The following DTNA variants were observed in gnomAD, a reference collection of about 807,000 sequenced individuals.
DTNA encodes the protein dystrophin-related protein 3.
A neutral mutation model predicts 100.7 loss-of-function variants in DTNA; 43 were observed. The observed-to-expected ratio is 0.43, with a 90% CI of 0.33 to 0.55. The LOEUF (loss-of-function observed/expected upper bound fraction) is 0.55. Among genes scored for constraint, DTNA ranks in the 20% least tolerant of loss-of-function variants. The pLI is 0.04. For missense variants in DTNA, 798 were observed against 953.9 expected (o/e 0.84, Z 2.15); for synonymous variants, 349 against 347.9 (o/e 1.00, Z -0.04).
chr18:34,677,682 A>AT (rs1033013283), intron 1 of DTNA, among the ~76,000 whole-genome samples: 7 of 151,588 alleles, frequency 4.6e-5, no homozygotes, highest in South Asian at 2.1e-4. Context: ...TCCGACTCCA[A>AT]TTTTTTTTTA....
At chr18:34,784,300 G>A (rs2094438027) in intron 3 of DTNA, among the ~76,000 whole-genome samples, 1 of 152,186 alleles carries the variant, frequency 6.6e-6, no homozygotes, top group African/African-American at 2.4e-5. Flanking sequence ...AAAATTAAGA[G>A]TGTTATATAC....
chr18:34,802,957 A>G lies in DTNA; in HGVS notation c.363-3262A>G, dbSNP rs570873157. Among the ~76,000 whole-genome samples, 5 of 152,240 alleles carry G rather than the reference A, an allele frequency of 3.3e-5. No homozygotes were observed. In the South Asian group the frequency reaches 8.3e-4, roughly 25 times the overall value. The stretch of plus-strand genomic sequence containing the variant: ...GACACCCTCCTCTTCACCCTGTTAT[A>G]TTTACAAATAATGTTCTTTTAAAAA... On this transcript the variant is annotated intron_variant, in intron 4 of 22. Transcript: ENST00000444659.
chr18:34,663,066 G>A (rs1232342206), intron 1 of DTNA: 1 of 152,120 alleles, frequency 6.6e-6, no homozygotes, highest in Non-Finnish European at 1.5e-5. Context: ...TCACTCCCAT[G>A]TACTTCCAGT....
intron 1 of DTNA, among the ~76,000 whole-genome samples, chr18:34,535,883 G>A (rs1014968880): frequency 1.3e-5 from 2 of 152,022 alleles, no homozygotes; most frequent in African/African-American, 4.8e-5. Context: ...ACATGAATGT[G>A]TTCTCATGAT....
intron 9 of DTNA, chr18:34,825,155 G>GAGC: frequency 7.2e-7 from 1 of 1,394,388 alleles, no homozygotes; most frequent in South Asian, 1.2e-5. Context: ...AAATAGAAAT[G>GAGC]AGCAGGTGGT....
At chr18:34,644,896 G>A (rs2059666821) in intron 1 of DTNA, among the ~76,000 whole-genome samples, 2 of 151,968 alleles carry the variant, frequency 1.3e-5, no homozygotes, top group South Asian at 2.1e-4. Context: ...AATGTTCCCT[G>A]TACTGAAGAA....
intron 3 of DTNA, among the ~76,000 whole-genome samples, chr18:34,773,871 G>T (rs1228123138): frequency 6.6e-6 from 1 of 152,114 alleles, no homozygotes. Flanking sequence ...CCCTTTAATG[G>T]TTTTTAAGAT....
At chr18:34,836,785 T>C (rs1474639382) in intron 11 of DTNA, among the ~76,000 whole-genome samples, 1 of 152,126 alleles carries the variant, frequency 6.6e-6, no homozygotes, top group Admixed American at 6.5e-5. Context: ...GCATGTCTAC[T>C]CTTTGCTAGT....
At chr18:34,603,662 G>C (rs897200758) in intron 1 of DTNA, among the ~76,000 whole-genome samples, 5 of 152,054 alleles carry the variant, frequency 3.3e-5, no homozygotes, top group Non-Finnish European at 4.4e-5. Context: ...TAAGGAGATT[G>C]GTTGTGTTCT....
At chr18:34,699,406 A>G (rs1026012328) in intron 1 of DTNA, among the ~76,000 whole-genome samples, 2 of 152,282 alleles carry the variant, frequency 1.3e-5, no homozygotes, top group African/African-American at 2.4e-5. Context: ...TGTAATTTTA[A>G]CAGATTGGAT....
chr18:34,715,038 C>T (rs2083722888), intron 1 of DTNA, among the ~76,000 whole-genome samples: 1 of 134,340 alleles, frequency 7.4e-6, no homozygotes, highest in Admixed American at 8.8e-5. Flanking sequence ...AGGGGAATAT[C>T]ACACTCTGGG....
chr18:34,534,670 T>A (rs2043501816), intron 1 of DTNA, among the ~76,000 whole-genome samples: 1 of 151,968 alleles, frequency 6.6e-6, no homozygotes, highest in African/African-American at 2.4e-5. Context: ...CAGGCTCTGG[T>A]GCGTGATGTT....
chr18:34,829,555 C>G, intron 11 of DTNA, 66 bp downstream of exon 11: 1 of 1,390,608 alleles, frequency 7.2e-7, no homozygotes, highest in Middle Eastern at 1.8e-4. Context: ...ATAAGTCATT[C>G]TACTCTGGCA....
chr18:34,502,220 A>G (rs2040000848), intron 1 of DTNA, among the ~76,000 whole-genome samples: 1 of 152,154 alleles, frequency 6.6e-6, no homozygotes, highest in Non-Finnish European at 1.5e-5. Flanking sequence ...GTGCTATCCC[A>G]TGTTTCATTC....
chr18:34,810,890 C>A (rs2095473370), intron 5 of DTNA, among the ~76,000 whole-genome samples: 1 of 152,050 alleles, frequency 6.6e-6, no homozygotes, highest in South Asian at 2.1e-4. Context: ...CAGCGGAAAC[C>A]CTTTATAAAT....
At chr18:34,620,180 T>C (rs953243241) in intron 1 of DTNA, among the ~76,000 whole-genome samples, 5 of 152,116 alleles carry the variant, frequency 3.3e-5, no homozygotes, top group African/African-American at 1.2e-4. Context: ...TAGTTTGCAC[T>C]GGGGTAAAAG....
chr18:34,581,621 G>GTT (rs760995588), intron 1 of DTNA, among the ~76,000 whole-genome samples: 3,921 of 110,282 alleles, frequency 0.036, 255 homozygotes, highest in African/African-American at 0.14. Flanking sequence ...CCCCTAGTTA[G>GTT]TTTTTTTTTT....
At chr18:34,696,551 C>G (rs2080579296) in intron 1 of DTNA, among the ~76,000 whole-genome samples, 1 of 152,002 alleles carries the variant, frequency 6.6e-6, no homozygotes, top group African/African-American at 2.4e-5. Flanking sequence ...GCACTCCAGC[C>G]TGGCGACAGA....
At chr18:34,566,020 A>C (rs1456247694) in intron 1 of DTNA, among the ~76,000 whole-genome samples, 1 of 152,230 alleles carries the variant, frequency 6.6e-6, no homozygotes, top group Non-Finnish European at 1.5e-5. Context: ...GACTGTGGGA[A>C]TATTAATGAA....
Sources: allele counts gnomAD v4.1 joint callset (sites outside exome capture counted in the v4.1 genomes callset), GRCh38; gene constraint gnomAD v4.1.1; transcripts MANE v1.5; gene names NCBI Gene and HGNC (gene_info 2026-07-23, HGNC 2026-07-21).